CLEC12A: variants seen among roughly 807,000 people sequenced by gnomAD.
The protein encoded by CLEC12A is C-type lectin domain family 12 member A, also known as C-type lectin protein CLL-1.
A neutral mutation model predicts 26.5 loss-of-function variants in CLEC12A; 22 were observed. That is an observed-to-expected ratio of 0.83 (90% CI 0.59 to 1.19). CLEC12A has a LOEUF of 1.19. CLEC12A is among the 50% of genes most tolerant of loss of function. The pLI is 0.00. For missense variants in CLEC12A, 353 were observed against 315.6 expected (o/e 1.12, Z -0.90); for synonymous variants, 119 against 101.9 (o/e 1.17, Z -1.01).
downstream of CLEC12A, among the ~76,000 whole-genome samples, chr12:9,997,829 AAAG>A (rs1240743493): frequency 6.6e-6 from 1 of 152,216 alleles, no homozygotes; most frequent in African/African-American, 2.4e-5. Context: ...AGAATTACAG[AAAG>A]AAGAAATGCA....
At chr12:9,972,682 TA>T (rs1452508102) in intron 1 of CLEC12A, among the ~76,000 whole-genome samples, 1 of 152,230 alleles carries the variant, frequency 6.6e-6, no homozygotes, top group Non-Finnish European at 1.5e-5. Context: ...AGCATTGCTA[TA>T]AACAGAAATT....
At chr12:9,972,025 GA>G (rs1864146657) in intron 1 of CLEC12A, among the ~76,000 whole-genome samples, 1 of 146,908 alleles carries the variant, frequency 6.8e-6, no homozygotes, top group South Asian at 2.3e-4. Flanking sequence ...ACATGTTCAG[GA>G]AAGTCATGAT....
chr12:9,985,998 C>T (rs931299848), downstream of CLEC12A: 2 of 233,336 alleles, frequency 8.6e-6, no homozygotes, highest in Non-Finnish European at 1.8e-5. Context: ...AATCTTCTGC[C>T]CCCTCCTCTT....
chr12:9,965,648 TTTGGTTGATA>T, intron 1 of CLEC12A, among the ~76,000 whole-genome samples: 1 of 151,732 alleles, frequency 6.6e-6, no homozygotes, highest in Non-Finnish European at 1.5e-5. Context: ...GGCAAAACAA[TTTGGTTGATA>T]AGGCACAGAT....
In CLEC12A at chr12:9,985,237, C is replaced by G. The variant is rs1401808936; in HGVS notation, c.*211C>G. Reference sequence around the variant, plus strand: ...ATAATGAAGCATGTCCCACCTCCCACTTTCCATCATGGCCTGAACCCTGGA... The same window carrying G: ...ATAATGAAGCATGTCCCACCTCCCAGTTTCCATCATGGCCTGAACCCTGGA... On this transcript the variant is annotated 3_prime_UTR_variant, in exon 6 of 6. Coordinates refer to ENST00000304361, the MANE Select transcript of CLEC12A (RefSeq NM_138337.6). 6.6e-6 allele frequency: 3 copies of G among 456,390 alleles called. No homozygotes were observed. Among genetic ancestry groups the G allele is most frequent in the South Asian group, 2.1e-4 (2 of 9,306 alleles). 28.3% of individuals were successfully genotyped at this position (456,390 alleles called of 1,614,324 possible).
intron 4 of CLEC12A, chr12:9,995,000 C>A: frequency 6.4e-7 from 1 of 1,557,858 alleles, no homozygotes; most frequent in Non-Finnish European, 8.7e-7. Context: ...ATGACCAGCG[C>A]TGTCTTGTTT....
downstream of CLEC12A, chr12:9,998,266 C>T (rs180835696): frequency 5.6e-6 from 9 of 1,604,334 alleles, no homozygotes; most frequent in East Asian, 2.0e-4. Context: ...AAATTTCTGG[C>T]AGAGTCAACA....
At chr12:9,961,774 T>C (rs1005647996) in intron 1 of CLEC12A, among the ~76,000 whole-genome samples, 2 of 152,172 alleles carry the variant, frequency 1.3e-5, no homozygotes, top group Admixed American at 1.3e-4. Context: ...AAAACACCAA[T>C]TGACAAGCCA....
At chr12:9,998,310 A>T, downstream of CLEC12A, 4 of 1,614,086 alleles carry the variant, frequency 2.5e-6, no homozygotes, top group Non-Finnish European at 2.5e-6. Context: ...CCAGCCCGAC[A>T]ACCATCCCCA....
At chr12:9,971,108 G>A (rs1864109860), upstream of CLEC12A, among the ~76,000 whole-genome samples, 1 of 151,992 alleles carries the variant, frequency 6.6e-6, no homozygotes, top group Non-Finnish European at 1.5e-5. Flanking sequence ...TCATACAAAA[G>A]GAATATCTAT....
chr12:9,993,384 T>A, intron 4 of CLEC12A: 2 of 835,000 alleles, frequency 2.4e-6, no homozygotes, highest in Non-Finnish European at 3.7e-6. Context: ...AAATAGAGAC[T>A]GAGGAAAATA....
chr12:9,996,615 C>A, downstream of CLEC12A: 1 of 607,766 alleles, frequency 1.6e-6, no homozygotes. Flanking sequence ...TGTACCTGAG[C>A]TGTCAGGAAG....
intron 1 of CLEC12A, among the ~76,000 whole-genome samples, chr12:9,966,161 T>TA (rs1224785086): frequency 6.6e-6 from 1 of 152,132 alleles, no homozygotes; most frequent in African/African-American, 2.4e-5. Context: ...CATCAGTACT[T>TA]ACAACAGTTA....
At chr12:10,002,440 G>GTTTTTTTTTTTTTTTTTTTTTTTTTTTT in the CLEC12A span, among the ~76,000 whole-genome samples, 1 of 40,480 alleles carries the variant, frequency 2.5e-5, no homozygotes, top group Non-Finnish European at 5.0e-5. Flanking sequence ...GTTGGGTAAT[G>GTTTTTTTTTTTTTTTTTTTTTTTTTTTT]TTTTTTTTTT....
At chr12:10,003,391 T>C in the CLEC12A span, among the ~76,000 whole-genome samples, 59 of 152,056 alleles carry the variant, frequency 3.9e-4, no homozygotes, top group Middle Eastern at 3.4e-3. Flanking sequence ...AAGGAAAAAA[T>C]GTGTCAGTCT....
At chr12:9,981,743 G>T (rs1288714044) in intron 4 of CLEC12A, among the ~76,000 whole-genome samples, 1 of 151,888 alleles carries the variant, frequency 6.6e-6, no homozygotes, top group Non-Finnish European at 1.5e-5. Flanking sequence ...TTTTAATCTT[G>T]AACTTGTCAT....
chr12:9,997,238 G>T (rs548647712), downstream of CLEC12A: 2 of 1,613,010 alleles, frequency 1.2e-6, no homozygotes, highest in South Asian at 2.2e-5. Flanking sequence ...GTTCCTGTGC[G>T]ATTTTCATTC....
the CLEC12A span, among the ~76,000 whole-genome samples, chr12:10,001,855 G>A: frequency 6.6e-6 from 1 of 151,332 alleles, no homozygotes; most frequent in African/African-American, 2.4e-5. Flanking sequence ...TCTTCACTAA[G>A]GAAACTATAT....
At chr12:9,989,606 A>G (rs1864849495), downstream of CLEC12A, among the ~76,000 whole-genome samples, 1 of 152,228 alleles carries the variant, frequency 6.6e-6, no homozygotes, top group Non-Finnish European at 1.5e-5. Flanking sequence ...AGGTTGGTTC[A>G]TCAGGTTTAA....
Sources: gnomAD v4.1 joint callset for allele counts (sites outside exome capture counted in the v4.1 genomes callset) on GRCh38, gnomAD v4.1.1 for gene constraint, MANE v1.5 for transcripts, NCBI Gene and HGNC (gene_info 2026-07-23, HGNC 2026-07-21) for gene names.